Variants in SYT7 observed in about 807,000 individuals in gnomAD.
SYT7 encodes synaptotagmin-7.
A neutral mutation model predicts 75.1 loss-of-function variants in SYT7; 29 were observed. The observed-to-expected ratio is 0.39, with a 90% CI of 0.29 to 0.53. The LOEUF (loss-of-function observed/expected upper bound fraction) is 0.53, where lower values mean the gene tolerates loss of function less well. Among genes scored for constraint, SYT7 ranks in the 20% least tolerant of loss-of-function variants. The pLI is 0.77. For missense variants in SYT7, 693 were observed against 953.2 expected, an observed-to-expected ratio of 0.73 and a Z score of 3.59; for synonymous variants, 376 against 401.7, an observed-to-expected ratio of 0.94 and a Z score of 0.76.
At chr11:61,547,141 T>G (rs1026755683) in intron 4 of SYT7, 36 bp downstream of exon 4, 33 of 1,532,578 alleles carry the variant, frequency 2.2e-5, no homozygotes, top group Non-Finnish European at 2.9e-5. Context: ...GCGCGGATAC[T>G]CGGTACATAT....
chr11:61,537,859 T>C (rs925655401), intron 7 of SYT7, among the ~76,000 whole-genome samples: 2 of 151,700 alleles, frequency 1.3e-5, no homozygotes, highest in Non-Finnish European at 2.9e-5. Flanking sequence ...AGCAGGAAGA[T>C]GGGGCAGAAA....
chr11:61,541,070 G>GGA (rs2063029084), intron 6 of SYT7: 1 of 985,374 alleles, frequency 1.0e-6, no homozygotes, highest in African/African-American at 1.7e-5. Context: ...CTTCGGGTGG[G>GGA]GTGTCTCTCC....
intron 12 of SYT7, among the ~76,000 whole-genome samples, chr11:61,519,984 C>A (rs576013733): frequency 2.0e-5 from 3 of 151,998 alleles, no homozygotes; most frequent in African/African-American, 7.2e-5. Flanking sequence ...CCACGCCCGG[C>A]TAATTTTTGT....
chr11:61,569,949 G>A (rs2063876982), intron 1 of SYT7, among the ~76,000 whole-genome samples: 2 of 152,338 alleles, frequency 1.3e-5, no homozygotes, highest in African/African-American at 4.8e-5. Flanking sequence ...AGCCGGCTCA[G>A]GCCCCAGATG....
intron 8 of SYT7, among the ~76,000 whole-genome samples, chr11:61,529,381 A>G (rs536025989): frequency 1.3e-5 from 2 of 152,350 alleles, no homozygotes; most frequent in African/African-American, 4.8e-5. Flanking sequence ...CGACTCTCGC[A>G]TCGCCGTCTC....
chr11:61,551,005 C>T lies in SYT7; in HGVS notation c.215+379G>A, dbSNP rs1375992388. ...CTGGGGCCCACTAGGGAGGGGCCTC[C>T]CCGGCCTAGCAGCAGGGGCCCCATG... On this transcript the variant is annotated intron_variant, in intron 3 of 12. Coordinates refer to ENST00000539008, the MANE Select transcript of SYT7 (RefSeq NM_001365809.2). The surrounding 1 kb of genome is among the most constrained non-coding windows in gnomAD (Gnocchi z 5.3). Among the ~76,000 whole-genome samples, 1 of 152,130 alleles carries T rather than the reference C, an allele frequency of 6.6e-6. No homozygotes were observed.
At chr11:61,579,501 G>A (rs1420036741) in intron 1 of SYT7, among the ~76,000 whole-genome samples, 3 of 152,044 alleles carry the variant, frequency 2.0e-5, no homozygotes, top group Admixed American at 6.5e-5. Flanking sequence ...CCAGTGGGTC[G>A]TCCTCAATAT....
Position 61,516,959 on chromosome 11 carries a change from T to A in SYT7, c.*1668A>T. 1 of 297,930 alleles carries A rather than the reference T, an allele frequency of 3.4e-6. No homozygotes were observed. The allele number at this position is 297,930 out of a possible 1,614,324, so 18.5% of individuals were successfully genotyped here. Reference sequence around the variant, plus strand: ...CAAGGGGAAGCCGTTCGAAGGAAAATGGTTCCCAAATGCCAATGGTCTCCC... The same window carrying A: ...CAAGGGGAAGCCGTTCGAAGGAAAAAGGTTCCCAAATGCCAATGGTCTCCC... On this transcript the variant is annotated 3_prime_UTR_variant, in exon 13 of 13. Transcript: ENST00000539008. The surrounding 1 kb of genome is among the most constrained non-coding windows in gnomAD (Gnocchi z 4.6).
chr11:61,529,159 G>A (rs560409119), intron 8 of SYT7, among the ~76,000 whole-genome samples: 3 of 152,078 alleles, frequency 2.0e-5, no homozygotes, highest in African/African-American at 4.8e-5. Context: ...ACCCTGGCTC[G>A]AAAATCTCCC....
In SYT7 at chr11:61,556,227, G is replaced by A; in HGVS notation, c.32-20C>T. 6.2e-7 allele frequency: 1 copy of A among 1,603,642 alleles called. No homozygotes were observed. The highest frequency in any genetic ancestry group is 8.5e-7 in the Non-Finnish European group (1 of 1,174,204). ...GCGCCCCTGGGGAGGACAGGTACAG[G>A]TCACACCCTCATTGGCCAGGGCCTG... On this transcript the variant is annotated intron_variant, in intron 1 of 12. Coordinates refer to ENST00000539008, the MANE Select transcript of SYT7 (RefSeq NM_001365809.2).
intron 5 of SYT7, among the ~76,000 whole-genome samples, chr11:61,544,729 C>G (rs545007809): frequency 6.6e-6 from 1 of 152,154 alleles, no homozygotes; most frequent in African/African-American, 2.4e-5. Context: ...GAGGCCTAAC[C>G]GGCCTGGAGA....
chr11:61,569,829 T>C (rs2063872415), intron 1 of SYT7, among the ~76,000 whole-genome samples: 1 of 152,072 alleles, frequency 6.6e-6, no homozygotes, highest in South Asian at 2.1e-4. Context: ...AAGAAGGGCT[T>C]TCTCTACGTC....
chr11:61,545,953 G>A (rs2063170284), intron 5 of SYT7, 78 bp downstream of exon 5: 1 of 1,350,688 alleles, frequency 7.4e-7, no homozygotes, highest in Non-Finnish European at 1.0e-6. Context: ...CAGCGGGCAT[G>A]CCAGGGGTCC....
At position 61,580,751 on chromosome 11, in the gene SYT7, C is replaced by T; in HGVS notation, c.31+39G>A. Reference sequence around the variant, plus strand: ...TCCGGCGCTGCCGCTGTCCTGCCCGCCGGTGCGGGGCGCCCCAGCCCGCCG... The same window carrying T: ...TCCGGCGCTGCCGCTGTCCTGCCCGTCGGTGCGGGGCGCCCCAGCCCGCCG... On this transcript the variant is annotated intron_variant, in intron 1 of 12. Coordinates refer to ENST00000539008, the MANE Select transcript of SYT7 (RefSeq NM_001365809.2). The surrounding 1 kb of genome is among the most constrained non-coding windows in gnomAD (Gnocchi z 6.1). 1.6e-6 allele frequency: 2 copies of T among 1,215,230 alleles called. No individual in the cohort carries two copies. The highest frequency in any genetic ancestry group is 2.1e-6 in the Non-Finnish European group (2 of 972,456). The allele number at this position is 1,215,230 out of a possible 1,614,324, so 75.3% of individuals were successfully genotyped here. A position where few individuals can be genotyped will look rare whatever the true frequency, so the allele number is the denominator to read the frequency against.
At chr11:61,582,909 G>C (rs2064312694), upstream of SYT7, among the ~76,000 whole-genome samples, 1 of 152,128 alleles carries the variant, frequency 6.6e-6, no homozygotes, top group Non-Finnish European at 1.5e-5. Flanking sequence ...ACCCACCCCA[G>C]CTGCCTCTCT....
chr11:61,552,238 T>A (rs1431292740), intron 2 of SYT7, among the ~76,000 whole-genome samples: 1 of 151,992 alleles, frequency 6.6e-6, no homozygotes, highest in African/African-American at 2.4e-5. Context: ...CCATTCACCT[T>A]CTCAGTTTGG....
chr11:61,538,064 C>T (rs991707939), intron 7 of SYT7, 80 bp downstream of exon 7: 61 of 1,515,398 alleles, frequency 4.0e-5, no homozygotes, highest in Non-Finnish European at 5.2e-5. Flanking sequence ...CGTCCAGCAG[C>T]CGGGGCCGGT....
chr11:61,555,045 G>T (rs537902281), intron 2 of SYT7, among the ~76,000 whole-genome samples: 5 of 152,268 alleles, frequency 3.3e-5, no homozygotes, highest in Admixed American at 1.3e-4. Context: ...TTTCCCAGGG[G>T]TATCTGCCCC....
rs527794189 is a variant in SYT7, at chr11:61,517,102, G to C, written c.*1525C>G. 6.1e-5 allele frequency: 24 copies of C among 395,682 alleles called. No individual in the cohort carries two copies. The highest frequency in any genetic ancestry group is 8.5e-5 in the Non-Finnish European group (19 of 224,726). 24.5% of individuals were successfully genotyped at this position (395,682 alleles called of 1,614,324 possible). Reference sequence around the variant, plus strand: ...CGGCCACAGACTGTGGGGGCCTGGCGCCACCTGGCGGTAGTTCTGGGAATG... The same window carrying C: ...CGGCCACAGACTGTGGGGGCCTGGCCCCACCTGGCGGTAGTTCTGGGAATG... On this transcript the variant is annotated 3_prime_UTR_variant, in exon 13 of 13. Coordinates refer to ENST00000539008, the MANE Select transcript of SYT7 (RefSeq NM_001365809.2).
Sources: gnomAD v4.1 joint callset for allele counts (sites outside exome capture counted in the v4.1 genomes callset) on GRCh38, gnomAD v4.1.1 for gene constraint, Gnocchi (gnomAD v3.1) non-coding constraint, MANE v1.5 for transcripts, NCBI Gene and HGNC (gene_info 2026-07-23, HGNC 2026-07-21) for gene names.